The following CSRNP3 variants were observed in gnomAD, a reference collection of about 807,000 sequenced individuals.
CSRNP3 encodes cysteine/serine-rich nuclear protein 3.
In CSRNP3, 12 loss-of-function variants were observed where a neutral mutation model predicts 48.0. The ratio of observed to expected loss-of-function variants is 0.25; its 90% CI spans 0.16 to 0.41. The LOEUF (loss-of-function observed/expected upper bound fraction) is 0.41, where lower values mean the gene tolerates loss of function less well. CSRNP3 is among the 10% of genes least tolerant of loss of function. The pLI is 1.00. For synonymous variants in CSRNP3, 263 were observed against 269.7 expected (o/e 0.98, Z 0.24); for missense variants, 580 against 724.4 (o/e 0.80, Z 2.29).
intron 4 of CSRNP3, among the ~76,000 whole-genome samples, chr2:165,637,808 T>C (rs1686656056): frequency 6.6e-6 from 1 of 152,210 alleles, no homozygotes; most frequent in Non-Finnish European, 1.5e-5. Context: ...TGAATGTTCA[T>C]TGTGTAAAAG....
At chr2:165,507,449 A>G (rs116413776) in intron 2 of CSRNP3, among the ~76,000 whole-genome samples, 1,587 of 152,226 alleles carry the variant, frequency 0.01, 15 homozygotes, top group Middle Eastern at 0.017. Flanking sequence ...CTCTAATTAT[A>G]TTTTTAAAAA....
intron 3 of CSRNP3, among the ~76,000 whole-genome samples, chr2:165,524,024 C>G (rs1684698383): frequency 6.6e-6 from 1 of 152,094 alleles, no homozygotes; most frequent in Non-Finnish European, 1.5e-5. Flanking sequence ...TATGGGGTGT[C>G]AATGTCTAAC....
intron 3 of CSRNP3, among the ~76,000 whole-genome samples, chr2:165,527,853 C>G (rs1684758147): frequency 6.6e-6 from 1 of 150,396 alleles, no homozygotes; most frequent in Non-Finnish European, 1.5e-5. Flanking sequence ...ATGAGAAGAT[C>G]AACAAGACCC....
intron 3 of CSRNP3, among the ~76,000 whole-genome samples, chr2:165,528,591 C>A (rs1684770444): frequency 6.6e-6 from 1 of 152,206 alleles, no homozygotes; most frequent in Admixed American, 6.5e-5. Context: ...ACTGTCTATT[C>A]CCCATTGTGT....
Position 165,685,151 on chromosome 2 carries a change from C to T in CSRNP3, c.*5398C>T, listed in dbSNP as rs898358285. On this transcript the variant is annotated 3_prime_UTR_variant, in exon 7 of 7. Transcript: ENST00000651982. ...TCATGATTGTCAAAAGTAAAAAGTG[C>T]AGACATTTAAAAAAGCTCTTCTTTC... is the stretch of plus-strand genomic sequence containing the variant. 1 of 151,990 alleles carries T rather than the reference C, an allele frequency of 6.6e-6. No homozygotes were observed. The highest frequency in any genetic ancestry group is 1.5e-5 in the Non-Finnish European group (1 of 67,962). 9.4% of individuals were successfully genotyped at this position (151,990 alleles called of 1,614,324 possible).
At chr2:165,661,373 G>C (rs1687093869) in intron 5 of CSRNP3, among the ~76,000 whole-genome samples, 1 of 152,094 alleles carries the variant, frequency 6.6e-6, no homozygotes, top group Non-Finnish European at 1.5e-5. Context: ...AACATGCTCA[G>C]AACACTTACA....
intron 5 of CSRNP3, among the ~76,000 whole-genome samples, chr2:165,667,035 A>AAGGAAGGAAAGAGAGG (rs1573957468): frequency 6.7e-5 from 3 of 45,102 alleles, no homozygotes; most frequent in East Asian, 7.6e-4. Context: ...AGAGAGGAAG[A>AAGGAAGGAAAGAGAGG]AAGAAAGAGA....
intron 5 of CSRNP3, among the ~76,000 whole-genome samples, chr2:165,666,620 A>G (rs372574584): frequency 0.18 from 3,220 of 18,368 alleles, 114 homozygotes; most frequent in Non-Finnish European, 0.28. Context: ...GAAAGAGAGA[A>G]AGGAAGGAAG....
At chr2:165,573,033 C>T (rs1256603851) in intron 3 of CSRNP3, among the ~76,000 whole-genome samples, 2 of 151,658 alleles carry the variant, frequency 1.3e-5, no homozygotes, top group South Asian at 4.2e-4. Flanking sequence ...TAGTATACTG[C>T]AAAAGGAAGG....
chr2:165,599,321 G>T (rs962020393), intron 4 of CSRNP3, among the ~76,000 whole-genome samples: 1 of 145,126 alleles, frequency 6.9e-6, no homozygotes, highest in East Asian at 2.1e-4. Context: ...AAGAAAGAAA[G>T]AAAGAAAGGA....
intron 3 of CSRNP3, among the ~76,000 whole-genome samples, chr2:165,525,562 C>T (rs1038838438): frequency 1.5e-4 from 23 of 150,120 alleles, no homozygotes; most frequent in African/African-American, 5.2e-4. Flanking sequence ...TCTAGGCTGA[C>T]TGTAAACTCC....
chr2:165,603,650 G>A (rs963147175), intron 4 of CSRNP3, among the ~76,000 whole-genome samples: 1 of 151,918 alleles, frequency 6.6e-6, no homozygotes, highest in Non-Finnish European at 1.5e-5. Context: ...TTTATTTAAA[G>A]GCCAGGACTC....
At chr2:165,518,807 C>A (rs1684613475) in intron 3 of CSRNP3, among the ~76,000 whole-genome samples, 1 of 151,888 alleles carries the variant, frequency 6.6e-6, no homozygotes, top group Non-Finnish European at 1.5e-5. Context: ...AGGGTTTATT[C>A]ATTTATTTAG....
chr2:165,641,749 G>A (rs1044079100), intron 4 of CSRNP3, among the ~76,000 whole-genome samples: 1 of 152,118 alleles, frequency 6.6e-6, no homozygotes, highest in South Asian at 2.1e-4. Context: ...GAGAACCAAG[G>A]TTTGGAATTT....
At chr2:165,616,466 A>G (rs922764575) in intron 4 of CSRNP3, among the ~76,000 whole-genome samples, 3 of 152,226 alleles carry the variant, frequency 2.0e-5, no homozygotes, top group Non-Finnish European at 4.4e-5. Context: ...AATGGCAATT[A>G]ATTCACTCAG....
chr2:165,671,490 G>A (rs1185071247), intron 5 of CSRNP3, among the ~76,000 whole-genome samples: 1 of 152,226 alleles, frequency 6.6e-6, no homozygotes, highest in Non-Finnish European at 1.5e-5. Context: ...CATGCCCCGA[G>A]CTGTAACTTC....
At chr2:165,560,961 T>C (rs1685226729) in intron 3 of CSRNP3, among the ~76,000 whole-genome samples, 1 of 152,198 alleles carries the variant, frequency 6.6e-6, no homozygotes, top group Non-Finnish European at 1.5e-5. Context: ...CTATTACTTT[T>C]ATATTTAGTG....
At chr2:165,593,692 T>TC (rs567493329) in intron 3 of CSRNP3, among the ~76,000 whole-genome samples, 126 of 152,240 alleles carry the variant, frequency 8.3e-4, no homozygotes, top group African/African-American at 2.5e-3. Flanking sequence ...GGGTCTTGCT[T>TC]CCCCCTGATT....
In CSRNP3 at chr2:165,655,678, C is replaced by T. The variant is rs922611904; in HGVS notation, c.149-2083C>T. On this transcript the variant is annotated intron_variant, in intron 4 of 6. Coordinates refer to ENST00000651982, the MANE Select transcript of CSRNP3 (RefSeq NM_001172173.2). ...AGATGACCAAGGTGTTGGCAGGGCC[C>T]GGCTCCCTCTGAAACCTTTGGGAAA... Among the ~76,000 whole-genome samples, 16 of 152,282 alleles carry T rather than the reference C, an allele frequency of 1.1e-4. No homozygotes were observed. The East Asian group carries it at 2.7e-3, about 26-fold the overall frequency.
Sources: gnomAD v4.1 joint callset for allele counts (sites outside exome capture counted in the v4.1 genomes callset) on GRCh38, gnomAD v4.1.1 for gene constraint, MANE v1.5 for transcripts, NCBI Gene and HGNC (gene_info 2026-07-23, HGNC 2026-07-21) for gene names.